Variants in LRRC28 observed in about 807,000 individuals in gnomAD.
The protein encoded by LRRC28 is leucine rich repeat containing 28, also known as leucine-rich repeat-containing protein 28.
In LRRC28, 39 loss-of-function variants were observed where a neutral mutation model predicts 45.7. The observed-to-expected ratio is 0.85, with a 90% CI of 0.66 to 1.12. The LOEUF (loss-of-function observed/expected upper bound fraction) is 1.12, where lower values mean the gene tolerates loss of function less well. LRRC28 is among the 50% of genes most tolerant of loss of function. The probability of loss-of-function intolerance (pLI) is 0.00; values close to 1 mark genes in which losing one functional copy is unlikely to be tolerated. For missense variants in LRRC28, 435 were observed against 438.5 expected (o/e 0.99, Z 0.07); for synonymous variants, 206 against 178.8 (o/e 1.15, Z -1.22).
At position 99,386,654 on chromosome 15, in the gene LRRC28, C is replaced by T. The variant is rs1958001289; in HGVS notation, c.*552C>T. Reference sequence around the variant, plus strand: ...GCAAAGTGAGGCTCCCATGGAGGCTCAGTGAGGGTCCCAGAGCACACACCC... The same window carrying T: ...GCAAAGTGAGGCTCCCATGGAGGCTTAGTGAGGGTCCCAGAGCACACACCC... On this transcript the variant is annotated 3_prime_UTR_variant, in exon 10 of 10. Coordinates refer to ENST00000301981, the MANE Select transcript of LRRC28 (RefSeq NM_144598.5). The T allele has an allele frequency of 6.6e-6, 1 of 152,624 alleles. No individual in the cohort carries two copies. Among genetic ancestry groups the T allele is most frequent in the Non-Finnish European group, 1.5e-5 (1 of 68,434 alleles). The allele number at this position is 152,624 out of a possible 1,614,324, so 9.5% of individuals were successfully genotyped here.
At chr15:99,271,846 A>G (rs1422077915) in intron 2 of LRRC28, among the ~76,000 whole-genome samples, 1 of 152,106 alleles carries the variant, frequency 6.6e-6, no homozygotes, top group Non-Finnish European at 1.5e-5. Context: ...TGATCCACCC[A>G]CTTTGGCCTC....
intron 2 of LRRC28, among the ~76,000 whole-genome samples, chr15:99,263,706 T>C (rs1267346047): frequency 1.3e-5 from 2 of 152,202 alleles, no homozygotes; most frequent in Non-Finnish European, 2.9e-5. Flanking sequence ...GTAGAATGTT[T>C]TAAAAATAAG....
intron 3 of LRRC28, among the ~76,000 whole-genome samples, chr15:99,278,690 ACC>A (rs1244305808): frequency 6.6e-6 from 1 of 152,186 alleles, no homozygotes; most frequent in Non-Finnish European, 1.5e-5. Flanking sequence ...TTAACAACTT[ACC>A]CCCAAATGTA....
intron 2 of LRRC28, among the ~76,000 whole-genome samples, chr15:99,264,076 A>G (rs998267136): frequency 1.3e-5 from 2 of 152,238 alleles, no homozygotes; most frequent in Non-Finnish European, 2.9e-5. Flanking sequence ...TTTCTTCTGC[A>G]GAAGGGTGCT....
At chr15:99,356,830 C>A (rs1957059855) in intron 7 of LRRC28, among the ~76,000 whole-genome samples, 1 of 152,012 alleles carries the variant, frequency 6.6e-6, no homozygotes, top group African/African-American at 2.4e-5. Context: ...AGGAGTAATT[C>A]AAAAAGATTG....
intron 5 of LRRC28, among the ~76,000 whole-genome samples, chr15:99,311,461 C>T (rs1955407358): frequency 1.3e-5 from 2 of 152,196 alleles, no homozygotes; most frequent in Admixed American, 6.5e-5. Flanking sequence ...AGTGTTTGCA[C>T]ATTTCTCAAA....
rs530107331 is a variant in LRRC28 at position 99,294,454 on chromosome 15, C to T, written c.385+6503C>T. On this transcript the variant is annotated intron_variant, in intron 5 of 9. Transcript: ENST00000301981. ...TCTCCAGTGTGTTAGTTTTTATGCTCCTCTGTCTTAATCCATTCAGGCTGC... is the reference window on the plus strand; with the variant it reads ...TCTCCAGTGTGTTAGTTTTTATGCTTCTCTGTCTTAATCCATTCAGGCTGC... Among the ~76,000 whole-genome samples the T allele has an allele frequency of 1.2e-4, 18 of 152,104 alleles. No individual in the cohort carries two copies. The East Asian group carries it at 3.1e-3, about 26-fold the overall frequency.
At chr15:99,299,162 T>C (rs948497089) in intron 5 of LRRC28, among the ~76,000 whole-genome samples, 6 of 152,378 alleles carry the variant, frequency 3.9e-5, no homozygotes, top group Non-Finnish European at 8.8e-5. Flanking sequence ...AGTGATTTGA[T>C]GTATTGCATT....
chr15:99,269,681 G>A (rs1257651968), intron 2 of LRRC28, among the ~76,000 whole-genome samples: 1 of 152,168 alleles, frequency 6.6e-6, no homozygotes, highest in East Asian at 1.9e-4. Flanking sequence ...AGGATTACAG[G>A]TGTGAGCTAC....
Position 99,382,308 on chromosome 15 carries a change from G to A in LRRC28, c.1032-3722G>A, listed in dbSNP as rs569537734. 9.2e-5 allele frequency among the ~76,000 whole-genome samples: 14 copies of A among 152,332 alleles called. No individual in the cohort carries two copies. In the East Asian group the frequency reaches 1.5e-3, roughly 17 times the overall value. On this transcript the variant is annotated intron_variant, in intron 9 of 9. Coordinates refer to ENST00000301981, the MANE Select transcript of LRRC28 (RefSeq NM_144598.5). ...CTGTGCTAGCAATGAGCGAGGCTCC[G>A]TGGGCATGGGACCCTCCCAGCCAGG... is the stretch of plus-strand genomic sequence containing the variant.
chr15:99,377,242 C>T lies in LRRC28; in HGVS notation c.1032-8788C>T, dbSNP rs564617260. 1.0e-3 allele frequency among the ~76,000 whole-genome samples: 158 copies of T among 151,766 alleles called. 8 individuals carry two copies. The highest frequency in any genetic ancestry group is 3.7e-3 in the African/African-American group (153 of 41,034). ...GACTTTTTAATGATCGCCATTCTAA[C>T]TGGTGTGAGATGGTATCTCATTGTG... On this transcript the variant is annotated intron_variant, in intron 9 of 9. Coordinates refer to ENST00000301981, the MANE Select transcript of LRRC28 (RefSeq NM_144598.5).
At chr15:99,378,361 A>T (rs1474756357) in intron 9 of LRRC28, among the ~76,000 whole-genome samples, 2 of 152,174 alleles carry the variant, frequency 1.3e-5, no homozygotes, top group Non-Finnish European at 2.9e-5. Flanking sequence ...GGTGTATAAG[A>T]ATGCTTGTGA....
At chr15:99,255,367 TAAG>T (rs1244798472) in intron 1 of LRRC28, among the ~76,000 whole-genome samples, 2 of 148,886 alleles carry the variant, frequency 1.3e-5, no homozygotes, top group Non-Finnish European at 3.0e-5. Flanking sequence ...TAAAAAAAAA[TAAG>T]AAGAAAGAAA....
chr15:99,362,273 T>C (rs1957224869), intron 8 of LRRC28, among the ~76,000 whole-genome samples: 1 of 152,238 alleles, frequency 6.6e-6, no homozygotes, highest in African/African-American at 2.4e-5. Flanking sequence ...TTTTAAAAGC[T>C]AAACAGAAAA....
intron 2 of LRRC28, chr15:99,259,796 C>T: frequency 9.6e-7 from 1 of 1,042,258 alleles, no homozygotes; most frequent in South Asian, 1.3e-5. Context: ...GTGATTCGGT[C>T]AGGATGTCTT....
intron 2 of LRRC28, among the ~76,000 whole-genome samples, chr15:99,273,977 C>G (rs1023031511): frequency 6.6e-6 from 1 of 152,130 alleles, no homozygotes; most frequent in Non-Finnish European, 1.5e-5. Flanking sequence ...TAAACGGAAG[C>G]GTATATTCTC....
At chr15:99,327,171 T>G (rs979991072) in intron 5 of LRRC28, among the ~76,000 whole-genome samples, 1 of 152,034 alleles carries the variant, frequency 6.6e-6, no homozygotes, top group Non-Finnish European at 1.5e-5. Flanking sequence ...ACCCCCCGGG[T>G]TGAAGCAATT....
Position 99,356,950 on chromosome 15 carries a change from A to C in LRRC28, c.696-4386A>C, listed in dbSNP as rs765971547. 8.5e-5 allele frequency among the ~76,000 whole-genome samples: 13 copies of C among 152,174 alleles called. 1 individual carries two copies. The highest frequency in any genetic ancestry group is 2.0e-4 in the Admixed American group (3 of 15,276). On this transcript the variant is annotated intron_variant, in intron 7 of 9. Coordinates refer to ENST00000301981, the MANE Select transcript of LRRC28 (RefSeq NM_144598.5). ...TATATAAATACATTCTCAGAACAAAACTTAGCCTTAAGTAGCTCTGCCAAG... is the reference window on the plus strand; with the variant it reads ...TATATAAATACATTCTCAGAACAAACCTTAGCCTTAAGTAGCTCTGCCAAG...
chr15:99,342,348 G>GT (rs776332398), intron 6 of LRRC28, among the ~76,000 whole-genome samples: 1 of 152,200 alleles, frequency 6.6e-6, no homozygotes, highest in Non-Finnish European at 1.5e-5. Context: ...AGAATGATGT[G>GT]TTGGGGGAGG....
Sources: gnomAD v4.1 joint callset for allele counts (sites outside exome capture counted in the v4.1 genomes callset) on GRCh38, gnomAD v4.1.1 for gene constraint, MANE v1.5 for transcripts, NCBI Gene and HGNC (gene_info 2026-07-23, HGNC 2026-07-21) for gene names.